Variants in BPIFB2 observed in about 807,000 individuals in gnomAD.
The protein encoded by BPIFB2 is BPI fold-containing family B member 2.
In BPIFB2, 39 loss-of-function variants were observed where a neutral mutation model predicts 50.1. That is an observed-to-expected ratio of 0.78 (90% CI 0.60 to 1.02). The LOEUF is 1.02. Ranked by LOEUF, BPIFB2 falls within the 50% of genes least tolerant of loss-of-function variation. The pLI, the probability that BPIFB2 is intolerant of heterozygous loss-of-function variation, is 0.00. For synonymous variants in BPIFB2, 280 were observed against 256.3 expected (o/e 1.09, Z -0.88); for missense variants, 574 against 585.8 (o/e 0.98, Z 0.21).
rs1051806948 is a variant in BPIFB2, at chr20:33,009,821, C to T, written c.109+1138C>T. 6.6e-6 allele frequency among the ~76,000 whole-genome samples: 1 copy of T among 152,242 alleles called. No individual in the cohort carries two copies. Among genetic ancestry groups the T allele is most frequent in the Non-Finnish European group, 1.5e-5 (1 of 68,036 alleles). On this transcript the variant is annotated intron_variant, in intron 2 of 15. Transcript: ENST00000170150. This position sits in a 1 kb window ranked among gnomAD's most constrained non-coding sequence, Gnocchi z 4.2. ...TTTTTGGCAGAAATCTGGCTGGAGGCCCACGCTGGACGCATTGCTCCCCAG... is the reference window on the plus strand; with the variant it reads ...TTTTTGGCAGAAATCTGGCTGGAGGTCCACGCTGGACGCATTGCTCCCCAG...
At position 33,009,845 on chromosome 20, in the gene BPIFB2, A is replaced by G. The variant is rs899348074; in HGVS notation, c.109+1162A>G. Reference sequence around the variant, plus strand: ...GCCCACGCTGGACGCATTGCTCCCCAGGCTGGGCTGAGTGGCTACTTCCAG... The same window carrying G: ...GCCCACGCTGGACGCATTGCTCCCCGGGCTGGGCTGAGTGGCTACTTCCAG... On this transcript the variant is annotated intron_variant, in intron 2 of 15. Transcript: ENST00000170150. The surrounding 1 kb of genome is among the most constrained non-coding windows in gnomAD (Gnocchi z 4.2). Among the ~76,000 whole-genome samples, 29 of 152,236 alleles carry G rather than the reference A, an allele frequency of 1.9e-4. No individual in the cohort carries two copies. The highest frequency in any genetic ancestry group is 3.8e-4 in the Non-Finnish European group (26 of 68,044).
At position 33,023,332 on chromosome 20, in the gene BPIFB2, T is replaced by C. The variant is rs1472876436; in HGVS notation, c.1336-10T>C. ...CTCTGACCTGGTCCATGGTTTCCTT[T>C]GCCCTTCAGGGCTACGTGGTGATAT... On this transcript the variant is annotated splice_polypyrimidine_tract_variant and intron_variant, in intron 15 of 15. Transcript: ENST00000170150. The C allele has an allele frequency of 6.2e-7, 1 of 1,613,668 alleles. No homozygotes were observed. Among genetic ancestry groups the C allele is most frequent in the South Asian group, 1.1e-5 (1 of 91,068 alleles).
chr20:33,023,483 C>A lies in BPIFB2; in HGVS notation c.*100C>A. The A allele has an allele frequency of 7.2e-7, 1 of 1,385,876 alleles. No homozygotes were observed. Among genetic ancestry groups the A allele is most frequent in the South Asian group, 1.2e-5 (1 of 85,016 alleles). The allele number at this position is 1,385,876 out of a possible 1,614,324, so 85.8% of individuals were successfully genotyped here. A position where few individuals can be genotyped will look rare whatever the true frequency, so the allele number is the denominator to read the frequency against. Reference sequence around the variant, plus strand: ...AAACTGAGGCAAAACCATACTTAGTCATCACCAACAAGCTGGACTGCTTAG... The same window carrying A: ...AAACTGAGGCAAAACCATACTTAGTAATCACCAACAAGCTGGACTGCTTAG... On this transcript the variant is annotated 3_prime_UTR_variant, in exon 16 of 16. Transcript: ENST00000170150.
intron 3 of BPIFB2, 82 bp from the exon 4 acceptor site, chr20:33,012,721 G>A (rs1990304368): frequency 1.9e-6 from 2 of 1,072,232 alleles, no homozygotes. Context: ...ACATCGTGTG[G>A]GTATGGCTCA....
intron 1 of BPIFB2, among the ~76,000 whole-genome samples, chr20:33,008,160 G>A (rs935731248): frequency 2.0e-5 from 3 of 152,150 alleles, no homozygotes; most frequent in African/African-American, 2.4e-5. Flanking sequence ...GCTGGACTCC[G>A]GCATCAGGTG....
At chr20:33,023,273 G>A (rs1978744155) in intron 15 of BPIFB2, 69 bp from the exon 16 acceptor site, 3 of 1,496,108 alleles carry the variant, frequency 2.0e-6, no homozygotes, top group Non-Finnish European at 1.9e-6. Flanking sequence ...TCAGAGCCAG[G>A]CTGAGGGGGC....
chr20:33,020,469 ACGGTGTTAGCCAGGGAGCCTGGG>A, intron 12 of BPIFB2, 50 bp from the exon 13 acceptor site: 1 of 1,598,864 alleles, frequency 6.3e-7, no homozygotes, highest in Non-Finnish European at 8.6e-7. Context: ...ACCCTGGGTC[ACGGTGTTAGCCAGGGAGCCTGGG>A]CGTAGGGAGG....
chr20:33,011,763 G>C (rs907091847), intron 3 of BPIFB2, among the ~76,000 whole-genome samples: 5 of 152,338 alleles, frequency 3.3e-5, no homozygotes, highest in Middle Eastern at 3.4e-3. Context: ...TGGATCACCT[G>C]AGATCAGGAG....
chr20:33,018,870 G>C, intron 9 of BPIFB2, 48 bp downstream of exon 9: 1 of 1,585,876 alleles, frequency 6.3e-7, no homozygotes, highest in Non-Finnish European at 8.6e-7. Context: ...AGAGCTCCCT[G>C]TGGCCCAGCC....
chr20:33,015,472 C>T lies in BPIFB2; in HGVS notation c.492C>T (p.His164=), dbSNP rs773005074. 6.2e-7 allele frequency: 1 copy of T among 1,613,394 alleles called. No homozygotes were observed. Among genetic ancestry groups the T allele is most frequent in the South Asian group, 1.1e-5 (1 of 90,994 alleles). The change falls in exon 6 of 16, where the codon CAC becomes CAT. Residue 164 remains histidine, a synonymous_variant. Coordinates refer to ENST00000170150, the MANE Select transcript of BPIFB2 (RefSeq NM_025227.3). ...CGCTGCTGGTCCTGGTGCAGAAGCA[C>T]ATTAAAGCTGTCTTGAGTAACAAGG... ...SHALLVLVQK[H]IKAVLSNKLC...
chr20:33,023,609 C>G lies in BPIFB2; in HGVS notation c.*226C>G, dbSNP rs1474968317. The G allele has an allele frequency of 4.9e-6, 3 of 617,728 alleles. No individual in the cohort carries two copies. Among genetic ancestry groups the G allele is most frequent in the Admixed American group, 5.2e-5 (2 of 38,638 alleles). The allele number at this position is 617,728 out of a possible 1,614,324, so 38.3% of individuals were successfully genotyped here. ...TCCTCCCTCTTCCCTCATCTCCCCC[C>G]TCCTTCCTCTGCCCCACCCCAGCGG... On this transcript the variant is annotated 3_prime_UTR_variant, in exon 16 of 16. Transcript: ENST00000170150.
chr20:33,022,445 C>T (rs572985031), intron 15 of BPIFB2, among the ~76,000 whole-genome samples: 10 of 152,274 alleles, frequency 6.6e-5, no homozygotes, highest in Admixed American at 4.6e-4. Flanking sequence ...GGTGATTATC[C>T]GCCCCCATGA....
At chr20:33,019,482 C>A (rs1978571603) in intron 10 of BPIFB2, 98 bp from the exon 11 acceptor site, 11 of 1,336,214 alleles carry the variant, frequency 8.2e-6, no homozygotes, top group Non-Finnish European at 9.0e-6. Context: ...CAGTCACATA[C>A]AGCGCCATGG....
chr20:33,010,993 A>T, intron 2 of BPIFB2, 31 bp from the exon 3 acceptor site: 1 of 1,596,338 alleles, frequency 6.3e-7, no homozygotes, highest in East Asian at 2.2e-5. Flanking sequence ...TCCCGAGGGC[A>T]CCCTGACCTC....
chr20:33,012,979 G>T (rs905855735), intron 4 of BPIFB2, 72 bp downstream of exon 4: 7 of 1,332,484 alleles, frequency 5.3e-6, no homozygotes, highest in African/African-American at 1.4e-5. Flanking sequence ...GAGGGGACGG[G>T]GGGTAGCAAC....
At chr20:33,018,154 C>T (rs1482399831) in intron 7 of BPIFB2, 105 bp from the exon 8 acceptor site, 8 of 881,272 alleles carry the variant, frequency 9.1e-6, no homozygotes, top group Non-Finnish European at 1.4e-5. Flanking sequence ...CTGGCTCTGG[C>T]TAATCAGGGT....
At chr20:33,018,514 T>A in intron 8 of BPIFB2, 123 bp from the exon 9 acceptor site, 1 of 1,326,198 alleles carries the variant, frequency 7.5e-7, no homozygotes, top group Non-Finnish European at 1.0e-6. Context: ...GAACTACACA[T>A]GTGGCATCTT....
chr20:33,021,866 A>G, intron 15 of BPIFB2, 67 bp downstream of exon 15: 1 of 1,481,866 alleles, frequency 6.7e-7, no homozygotes, highest in Non-Finnish European at 9.4e-7. Flanking sequence ...GGTGGGGGTC[A>G]CCTCTCTCCC....
chr20:33,011,435 C>A (rs1990286955), intron 3 of BPIFB2, among the ~76,000 whole-genome samples: 1 of 152,178 alleles, frequency 6.6e-6, no homozygotes, highest in Non-Finnish European at 1.5e-5. Flanking sequence ...GCTGGCAGGA[C>A]CCTCTGTTTC....
Sources: allele counts gnomAD v4.1 joint callset (sites outside exome capture counted in the v4.1 genomes callset), GRCh38; gene constraint gnomAD v4.1.1; non-coding constraint Gnocchi (gnomAD v3.1); transcripts MANE v1.5; gene names NCBI Gene and HGNC (gene_info 2026-07-23, HGNC 2026-07-21).